Variants in PTPRD observed in about 807,000 individuals in gnomAD.
PTPRD encodes receptor-type tyrosine-protein phosphatase delta.
In PTPRD, 34 loss-of-function variants were observed where a neutral mutation model predicts 214.5. The observed-to-expected ratio is 0.16, with a 90% confidence interval of 0.12 to 0.21. The LOEUF is 0.21. PTPRD is among the 10% of genes least tolerant of loss of function. The probability of loss-of-function intolerance (pLI) is 1.00; values close to 1 mark genes in which losing one functional copy is unlikely to be tolerated. For synonymous variants in PTPRD, 1,128 were observed against 845.7 expected, an observed-to-expected ratio of 1.33 and a Z score of -5.79; for missense variants, 2,545 against 2,398.7, an observed-to-expected ratio of 1.06 and a Z score of -1.27.
intron 7 of PTPRD, among the ~76,000 whole-genome samples, chr9:9,619,167 A>T (rs1169491771): frequency 6.6e-6 from 1 of 152,164 alleles, no homozygotes; most frequent in Non-Finnish European, 1.5e-5. Flanking sequence ...CTTAGAGAAA[A>T]CAACTCTTTC....
chr9:8,384,295 T>C (rs1380965301), intron 37 of PTPRD, among the ~76,000 whole-genome samples: 2 of 152,120 alleles, frequency 1.3e-5, no homozygotes, highest in African/African-American at 2.4e-5. Flanking sequence ...TGGCATGTTA[T>C]GAAACATGGA....
intron 11 of PTPRD, among the ~76,000 whole-genome samples, chr9:8,941,310 C>G (rs1462613204): frequency 6.6e-6 from 1 of 152,088 alleles, no homozygotes; most frequent in African/African-American, 2.4e-5. Flanking sequence ...GTATTTGCAA[C>G]TAGTTTCAGG....
At chr9:8,329,610 C>T (rs1347450343) in intron 44 of PTPRD, among the ~76,000 whole-genome samples, 1 of 152,074 alleles carries the variant, frequency 6.6e-6, no homozygotes, top group Non-Finnish European at 1.5e-5. Flanking sequence ...TGAAGCTGTG[C>T]CCACAGCTGC....
intron 2 of PTPRD, among the ~76,000 whole-genome samples, chr9:10,461,679 G>A (rs1043781020): frequency 6.7e-6 from 1 of 150,000 alleles, no homozygotes; most frequent in Admixed American, 6.7e-5. Flanking sequence ...CTGGAGTGCA[G>A]TGGCACGATA....
chr9:9,117,939 TG>T (rs2099813912), intron 10 of PTPRD, among the ~76,000 whole-genome samples: 1 of 152,160 alleles, frequency 6.6e-6, no homozygotes, highest in Admixed American at 6.5e-5. Context: ...TACACGATGT[TG>T]ATGCTGTTTT....
chr9:9,268,786 G>A (rs1941393559), intron 9 of PTPRD, among the ~76,000 whole-genome samples: 1 of 147,610 alleles, frequency 6.8e-6, no homozygotes, highest in African/African-American at 2.5e-5. Context: ...TATGGTGCCA[G>A]GAAAACTTGA....
chr9:8,887,654 A>T (rs1319592190), intron 11 of PTPRD, among the ~76,000 whole-genome samples: 1 of 152,180 alleles, frequency 6.6e-6, no homozygotes, highest in Non-Finnish European at 1.5e-5. Flanking sequence ...TTGTTTCTTC[A>T]AAACCTATCC....
intron 2 of PTPRD, among the ~76,000 whole-genome samples, chr9:10,553,599 G>C (rs1489588993): frequency 6.6e-6 from 1 of 151,950 alleles, no homozygotes. Context: ...ATGCAACTGA[G>C]TTTCATCTGG....
chr9:10,344,088 C>T (rs1214822813), intron 2 of PTPRD, among the ~76,000 whole-genome samples: 1 of 139,692 alleles, frequency 7.2e-6, no homozygotes, highest in African/African-American at 2.6e-5. Context: ...GTGTTTTAGA[C>T]ATGAAGTCCT....
chr9:10,107,945 G>T (rs66496640), intron 3 of PTPRD, among the ~76,000 whole-genome samples: 18,342 of 152,074 alleles, frequency 0.12, 1,220 homozygotes, highest in South Asian at 0.27. Flanking sequence ...TAGTGTAAAA[G>T]TCATTGGTTC....
intron 14 of PTPRD, among the ~76,000 whole-genome samples, chr9:8,608,514 G>C (rs964154701): frequency 2.0e-5 from 3 of 152,098 alleles, no homozygotes; most frequent in African/African-American, 7.2e-5. Flanking sequence ...TTCCAAGAGA[G>C]TCACTTAGAA....
intron 3 of PTPRD, among the ~76,000 whole-genome samples, chr9:10,051,920 CTTAA>C (rs1375208233): frequency 1.3e-5 from 2 of 152,076 alleles, no homozygotes; most frequent in South Asian, 4.1e-4. Flanking sequence ...ACATGTTTTA[CTTAA>C]TTAATTATTT....
In PTPRD at chr9:10,240,056, A is replaced by T. The variant is rs142113575; in HGVS notation, c.-545+100907T>A. On this transcript the variant is annotated intron_variant, in intron 3 of 45. Transcript: ENST00000381196. ...GTGTCGCACAGAGGGATCAAGAAAC[A>T]TCTAAACAGACAGGCCTTGCTGAGT... is the stretch of plus-strand genomic sequence containing the variant. 2.9e-4 allele frequency among the ~76,000 whole-genome samples: 44 copies of T among 151,988 alleles called. 1 individual carries two copies. Among genetic ancestry groups the T allele is most frequent in the Non-Finnish European group, 5.6e-4 (38 of 67,938 alleles).
At chr9:10,128,706 C>A (rs868034987) in intron 3 of PTPRD, among the ~76,000 whole-genome samples, 1 of 152,080 alleles carries the variant, frequency 6.6e-6, no homozygotes, top group African/African-American at 2.4e-5. Flanking sequence ...TCTGCGATAC[C>A]GTCTTTAGGG....
At chr9:8,706,966 C>G (rs1023547267) in intron 12 of PTPRD, among the ~76,000 whole-genome samples, 1 of 152,134 alleles carries the variant, frequency 6.6e-6, no homozygotes, top group East Asian at 1.9e-4. Context: ...AATGGCAGTT[C>G]TTATGGGATC....
At chr9:8,439,524 G>C (rs2095471582) in intron 34 of PTPRD, among the ~76,000 whole-genome samples, 1 of 152,072 alleles carries the variant, frequency 6.6e-6, no homozygotes, top group Admixed American at 6.5e-5. Context: ...ATTTAAGTTT[G>C]TTGCTATTTT....
chr9:8,895,919 C>G (rs1307210662), intron 11 of PTPRD, among the ~76,000 whole-genome samples: 1 of 152,224 alleles, frequency 6.6e-6, no homozygotes, highest in Non-Finnish European at 1.5e-5. Flanking sequence ...CGAGGTTCAG[C>G]ACACTCCTAG....
At chr9:8,790,390 G>A (rs2096179236) in intron 11 of PTPRD, among the ~76,000 whole-genome samples, 1 of 145,362 alleles carries the variant, frequency 6.9e-6, no homozygotes, top group Admixed American at 7.0e-5. Context: ...GTTAGCCTCA[G>A]GAGAGTAGGG....
chr9:10,498,152 T>C (rs1198236026), intron 2 of PTPRD, among the ~76,000 whole-genome samples: 2 of 151,972 alleles, frequency 1.3e-5, no homozygotes, highest in Non-Finnish European at 2.9e-5. Flanking sequence ...TTTAGGATAC[T>C]GTTTGTAATG....
Sources: allele counts gnomAD v4.1 joint callset (sites outside exome capture counted in the v4.1 genomes callset), GRCh38; gene constraint gnomAD v4.1.1; transcripts MANE v1.5; gene names NCBI Gene and HGNC (gene_info 2026-07-23, HGNC 2026-07-21).